The following ESRRG variants were observed in gnomAD, a reference collection of about 807,000 sequenced individuals.
ESRRG encodes estrogen-related receptor gamma.
ESRRG carries 13 observed loss-of-function variants against 44.0 expected under a neutral mutation model. The ratio of observed to expected loss-of-function variants is 0.30; its 90% CI spans 0.19 to 0.47. The LOEUF is 0.47. Among genes scored for constraint, ESRRG ranks in the 20% least tolerant of loss-of-function variants. The pLI, the probability that ESRRG is intolerant of heterozygous loss-of-function variation, is 1.00. For synonymous variants in ESRRG, 215 were observed against 214.6 expected, an observed-to-expected ratio of 1.00 and a Z score of -0.02; for missense variants, 395 against 580.6, an observed-to-expected ratio of 0.68 and a Z score of 3.29.
chr1:216,516,083 T>C (rs17042715), intron 6 of ESRRG, among the ~76,000 whole-genome samples: 12,487 of 152,126 alleles, frequency 0.082, 1,698 homozygotes, highest in African/African-American at 0.28. Flanking sequence ...ATTAAAATTG[T>C]GACCTAGAGT....
rs114593349 is a variant in ESRRG at position 216,744,825 on chromosome 1, G to A, written c.-13-67334C>T. ...ATGTCGTCTGACTAGGTTTTCTCAA[G>A]TACCCGTTCATTTAGCTCTCCAGGT... is the stretch of plus-strand genomic sequence containing the variant. On this transcript the variant is annotated intron_variant, in intron 2 of 7. Coordinates refer to the ESRRG transcript ENST00000359162. Among the ~76,000 whole-genome samples, 794 of 152,268 alleles carry A rather than the reference G, an allele frequency of 5.2e-3. 2 individuals are homozygous for A. Among genetic ancestry groups the A allele is most frequent in the African/African-American group, 0.018 (748 of 41,556 alleles).
chr1:216,812,547 T>C (rs927308023), intron 2 of ESRRG, among the ~76,000 whole-genome samples: 2 of 152,208 alleles, frequency 1.3e-5, no homozygotes, highest in Non-Finnish European at 2.9e-5. Context: ...GCTATAAGAA[T>C]ATAGGTTTGT....
intron 1 of ESRRG, chr1:216,707,399 C>T (rs2082668182): frequency 6.5e-7 from 1 of 1,535,976 alleles, no homozygotes; most frequent in Non-Finnish European, 8.7e-7. Context: ...GACTTGACTG[C>T]TCCAAGACCC....
intron 2 of ESRRG, 58 bp downstream of exon 2, chr1:216,677,018 C>CA: frequency 7.3e-7 from 1 of 1,362,904 alleles, no homozygotes; most frequent in Non-Finnish European, 1.0e-6. Flanking sequence ...TAAGGAAAAA[C>CA]AAAAACCCAT....
At chr1:216,522,707 C>T (rs566615191) in intron 5 of ESRRG, among the ~76,000 whole-genome samples, 15 of 152,148 alleles carry the variant, frequency 9.9e-5, no homozygotes, top group South Asian at 6.2e-4. Flanking sequence ...TACATAAAAA[C>T]GCATGGATAA....
intron 3 of ESRRG, among the ~76,000 whole-genome samples, chr1:216,602,853 C>A (rs559941311): frequency 1.2e-4 from 19 of 152,290 alleles, no homozygotes; most frequent in African/African-American, 4.6e-4. Flanking sequence ...TAAATTAATA[C>A]TTGATCAATA....
chr1:216,851,511 T>G (rs1247394489), intron 2 of ESRRG, among the ~76,000 whole-genome samples: 1 of 139,058 alleles, frequency 7.2e-6, no homozygotes, highest in African/African-American at 2.5e-5. Flanking sequence ...AGTGCCCTTA[T>G]AAAAAGAGGC....
At chr1:216,960,095 T>C (rs1374139974) in intron 1 of ESRRG, among the ~76,000 whole-genome samples, 1 of 152,036 alleles carries the variant, frequency 6.6e-6, no homozygotes, top group African/African-American at 2.4e-5. Flanking sequence ...TACATTTAAT[T>C]TGAATTACAA....
chr1:217,092,289 C>A (rs1036952201), upstream of ESRRG, among the ~76,000 whole-genome samples: 1 of 152,118 alleles, frequency 6.6e-6, no homozygotes, highest in African/African-American at 2.4e-5. Flanking sequence ...ACTTCCCAAC[C>A]AAACCAAAGG....
chr1:216,559,723 T>G (rs1345942325), intron 5 of ESRRG, among the ~76,000 whole-genome samples: 9 of 152,226 alleles, frequency 5.9e-5, no homozygotes, highest in Non-Finnish European at 8.8e-5. Context: ...AGATGGGTAT[T>G]TTATCCACCA....
chr1:216,545,351 C>G (rs901852282), intron 5 of ESRRG, among the ~76,000 whole-genome samples: 2 of 151,838 alleles, frequency 1.3e-5, no homozygotes, highest in African/African-American at 2.4e-5. Context: ...GCCTTAGCCA[C>G]TGTACCTGGC....
At chr1:216,618,790 CA>C (rs1397617768) in intron 3 of ESRRG, among the ~76,000 whole-genome samples, 3 of 152,162 alleles carry the variant, frequency 2.0e-5, no homozygotes, top group Non-Finnish European at 2.9e-5. Flanking sequence ...ACTGTAAATT[CA>C]ATGAACTTGA....
At chr1:217,116,527 C>T (rs1169720658) in intron 1 of ESRRG, among the ~76,000 whole-genome samples, 3 of 152,122 alleles carry the variant, frequency 2.0e-5, no homozygotes, top group Non-Finnish European at 4.4e-5. Context: ...AGCAGTTTCC[C>T]ATAATCCTTC....
chr1:216,544,339 AT>A (rs2053807163), intron 5 of ESRRG, among the ~76,000 whole-genome samples: 1 of 152,044 alleles, frequency 6.6e-6, no homozygotes, highest in African/African-American at 2.4e-5. Flanking sequence ...ATAATTACAT[AT>A]TTCTCATTCT....
intron 2 of ESRRG, among the ~76,000 whole-genome samples, chr1:216,774,798 C>CTTTT (rs58598227): frequency 1.2e-4 from 13 of 110,814 alleles, no homozygotes; most frequent in African/African-American, 4.1e-4. Context: ...ATAATTTCTT[C>CTTTT]TTTTTTTTTT....
intron 5 of ESRRG, among the ~76,000 whole-genome samples, chr1:216,538,416 C>T (rs564324547): frequency 6.6e-6 from 1 of 151,992 alleles, no homozygotes; most frequent in East Asian, 1.9e-4. Flanking sequence ...AAGAGCATGG[C>T]CCCTAGAGCT....
intron 1 of ESRRG, among the ~76,000 whole-genome samples, chr1:217,037,225 GTTTCATATTT>G (rs2083060293): frequency 6.6e-6 from 1 of 152,118 alleles, no homozygotes; most frequent in Admixed American, 6.5e-5. Flanking sequence ...TACTCCAAAT[GTTTCATATTT>G]TTTCTTATTT....
At chr1:216,748,880 C>G (rs138777766) in intron 2 of ESRRG, among the ~76,000 whole-genome samples, 1 of 152,196 alleles carries the variant, frequency 6.6e-6, no homozygotes, top group African/African-American at 2.4e-5. Context: ...GCACCACATA[C>G]CCTTATAGAC....
At chr1:216,823,412 C>A (rs1047931811) in intron 2 of ESRRG, among the ~76,000 whole-genome samples, 1 of 151,974 alleles carries the variant, frequency 6.6e-6, no homozygotes, top group Non-Finnish European at 1.5e-5. Context: ...GTTTTGTTTT[C>A]TTTGTGTTTA....
Sources: gnomAD v4.1 joint callset for allele counts (sites outside exome capture counted in the v4.1 genomes callset) on GRCh38, gnomAD v4.1.1 for gene constraint, MANE v1.5 for transcripts, NCBI Gene and HGNC (gene_info 2026-07-23, HGNC 2026-07-21) for gene names.